DNAH14: variants seen among roughly 807,000 people sequenced by gnomAD.
The protein encoded by DNAH14 is axonemal beta dynein heavy chain 14.
A neutral mutation model predicts 520.9 loss-of-function variants in DNAH14; 478 were observed. That is an observed-to-expected ratio of 0.92 (90% CI 0.85 to 0.99). The LOEUF (loss-of-function observed/expected upper bound fraction) is 0.99. DNAH14 is among the 50% of genes least tolerant of loss of function. DNAH14 has a pLI of 0.00. For missense variants in DNAH14, 4,831 were observed against 5,234.5 expected (o/e 0.92, Z 2.38); for synonymous variants, 1,581 against 1,757.2 (o/e 0.90, Z 2.51).
At chr1:225,271,260 G>A (rs1279180067) in intron 50 of DNAH14, among the ~76,000 whole-genome samples, 2 of 152,210 alleles carry the variant, frequency 1.3e-5, no homozygotes, top group Admixed American at 6.5e-5. Context: ...CTTGGTCCCA[G>A]TTGGCATACA....
At chr1:224,952,645 TATA>T in intron 1 of DNAH14, 22 bp from the exon 2 acceptor site, 6 of 1,266,730 alleles carry the variant, frequency 4.7e-6, no homozygotes, top group Non-Finnish European at 6.5e-6. Flanking sequence ...GTATATTAAA[TATA>T]ATAATGTGAA....
chr1:225,070,836 G>A (rs995535771), intron 17 of DNAH14, among the ~76,000 whole-genome samples: 11 of 151,568 alleles, frequency 7.3e-5, no homozygotes, highest in Non-Finnish European at 1.6e-4. Flanking sequence ...AAGGTCTCTA[G>A]AAACTTTCTT....
At chr1:225,226,554 T>C (rs529104985) in intron 41 of DNAH14, among the ~76,000 whole-genome samples, 1 of 152,174 alleles carries the variant, frequency 6.6e-6, no homozygotes. Flanking sequence ...GCCCGTAGCC[T>C]CCAGTTAGGC....
chr1:225,034,053 T>G (rs1473457346), intron 11 of DNAH14, among the ~76,000 whole-genome samples: 4 of 152,204 alleles, frequency 2.6e-5, no homozygotes, highest in African/African-American at 9.6e-5. Flanking sequence ...TGCACTTTAT[T>G]TCTTTCTCTT....
chr1:225,279,833 T>A (rs1263096331), intron 54 of DNAH14, among the ~76,000 whole-genome samples: 1 of 151,774 alleles, frequency 6.6e-6, no homozygotes, highest in Non-Finnish European at 1.5e-5. Context: ...TTGAAGGGGA[T>A]CCAGATGTTG....
chr1:225,241,530 TGGG>T (rs1460444149), intron 43 of DNAH14, among the ~76,000 whole-genome samples: 2 of 152,138 alleles, frequency 1.3e-5, no homozygotes, highest in African/African-American at 2.4e-5. Flanking sequence ...AATGTGCTGT[TGGG>T]GGATTTTTTT....
chr1:224,966,441 A>AT (rs2061170269), intron 5 of DNAH14, among the ~76,000 whole-genome samples: 1 of 152,162 alleles, frequency 6.6e-6, no homozygotes, highest in African/African-American at 2.4e-5. Context: ...TGATTTTAGA[A>AT]TTTTTTATCA....
chr1:225,129,344 G>C (rs2078124497), intron 27 of DNAH14, among the ~76,000 whole-genome samples: 1 of 152,134 alleles, frequency 6.6e-6, no homozygotes, highest in African/African-American at 2.4e-5. Flanking sequence ...AACCAAAAAA[G>C]AGCCCGCATC....
chr1:225,098,986 A>G (rs1327034848), intron 22 of DNAH14, among the ~76,000 whole-genome samples: 2 of 152,154 alleles, frequency 1.3e-5, no homozygotes, highest in African/African-American at 4.8e-5. Context: ...AGAAAGCATG[A>G]AGGAGAAGAA....
chr1:225,212,106 T>A (rs983742941), intron 41 of DNAH14, among the ~76,000 whole-genome samples: 1 of 130,234 alleles, frequency 7.7e-6, no homozygotes, highest in Non-Finnish European at 1.6e-5. Flanking sequence ...CCACCCTGTG[T>A]CAAGTGTTCT....
intron 26 of DNAH14, among the ~76,000 whole-genome samples, chr1:225,121,780 G>T (rs889075610): frequency 6.6e-6 from 1 of 152,074 alleles, no homozygotes; most frequent in Non-Finnish European, 1.5e-5. Context: ...GGCGGAGGTT[G>T]CAGTGAGCTG....
intron 61 of DNAH14, among the ~76,000 whole-genome samples, chr1:225,319,242 T>G (rs2094518203): frequency 6.6e-6 from 1 of 152,180 alleles, no homozygotes; most frequent in Non-Finnish European, 1.5e-5. Flanking sequence ...TAGGGGTTAA[T>G]GATTGAAGAG....
At chr1:225,395,360 G>A (rs189710535) in intron 84 of DNAH14, among the ~76,000 whole-genome samples, 1 of 152,318 alleles carries the variant, frequency 6.6e-6, no homozygotes, top group African/African-American at 2.4e-5. Flanking sequence ...TTGTGAGGCT[G>A]AGGCGGGCAG....
chr1:225,373,744 C>G (rs1474829705), intron 77 of DNAH14, among the ~76,000 whole-genome samples: 1 of 152,020 alleles, frequency 6.6e-6, no homozygotes, highest in Non-Finnish European at 1.5e-5. Flanking sequence ...GAATTCAGTA[C>G]CACGTGCCTG....
chr1:225,380,107 A>G lies in DNAH14; in HGVS notation c.12717-52A>G, dbSNP rs1361256501. On this transcript the variant is annotated intron_variant, in intron 79 of 85. Coordinates refer to ENST00000682510, the MANE Select transcript of DNAH14 (RefSeq NM_001367479.1). The stretch of plus-strand genomic sequence containing the variant: ...TGAATCCTTTAACAAATCTCTCCCC[A>G]TCTCCCCACTTCCTGTTCTGTGTCT... The G allele has an allele frequency of 2.5e-5, 37 of 1,504,318 alleles. No individual in the cohort carries two copies. In the Admixed American group the frequency reaches 7.6e-4, roughly 31 times the overall value. The allele number at this position is 1,504,318 out of a possible 1,614,324, so 93.2% of individuals were successfully genotyped here.
chr1:225,200,803 T>C (rs1417395473), intron 38 of DNAH14, among the ~76,000 whole-genome samples: 1 of 152,154 alleles, frequency 6.6e-6, no homozygotes, highest in East Asian at 1.9e-4. Flanking sequence ...TCCTTTGTCT[T>C]AACTTTAGAT....
chr1:225,132,768 G>A (rs1042797478), intron 27 of DNAH14, among the ~76,000 whole-genome samples: 1 of 152,042 alleles, frequency 6.6e-6, no homozygotes, highest in African/African-American at 2.4e-5. Flanking sequence ...TGGTATTTCT[G>A]CCTCTAGGTC....
At chr1:225,129,467 G>A (rs1435151443) in intron 27 of DNAH14, among the ~76,000 whole-genome samples, 2 of 151,676 alleles carry the variant, frequency 1.3e-5, no homozygotes, top group African/African-American at 2.4e-5. Context: ...TACCAAAACA[G>A]AGATATAGAT....
intron 15 of DNAH14, among the ~76,000 whole-genome samples, chr1:225,047,595 TCA>T (rs763897215): frequency 1.3e-5 from 2 of 152,202 alleles, no homozygotes; most frequent in Admixed American, 6.6e-5. Flanking sequence ...TCTATGATAG[TCA>T]CACAATGATG....
Sources: gnomAD v4.1 joint callset for allele counts (sites outside exome capture counted in the v4.1 genomes callset) on GRCh38, gnomAD v4.1.1 for gene constraint, MANE v1.5 for transcripts, NCBI Gene and HGNC (gene_info 2026-07-23, HGNC 2026-07-21) for gene names.